The following WDR43 variants were observed in gnomAD, a reference collection of about 807,000 sequenced individuals.
The protein encoded by WDR43 is WD repeat-containing protein 43.
WDR43 carries 13 observed loss-of-function variants against 91.4 expected under a neutral mutation model. The ratio of observed to expected loss-of-function variants is 0.14; its 90% CI spans 0.09 to 0.23. The LOEUF is 0.23. Ranked by LOEUF, WDR43 falls within the 10% of genes least tolerant of loss-of-function variation. WDR43 has a pLI of 1.00. For missense variants in WDR43, 780 were observed against 809.4 expected (o/e 0.96, Z 0.44); for synonymous variants, 331 against 287.9 (o/e 1.15, Z -1.51).
chr2:28,917,868 C>CT lies in WDR43; in HGVS notation c.747-24dup, dbSNP rs1234699280. 4.5e-6 allele frequency: 7 copies of CT among 1,551,548 alleles called. No homozygotes were observed. The Admixed American group carries it at 8.0e-5, about 18-fold the overall frequency. On this transcript the variant is annotated intron_variant, in intron 5 of 17. Transcript: ENST00000407426. ...AAGAAAATTAAATCTGTCTTGCTAT[C>CT]TAACTTGCTGGTTTTGTTATCTAGG...
intron 14 of WDR43, among the ~76,000 whole-genome samples, chr2:28,939,935 G>A (rs959708157): frequency 9.2e-5 from 14 of 151,880 alleles, no homozygotes; most frequent in South Asian, 6.2e-4. Context: ...GTGAAACCCC[G>A]TCTCTACTAA....
intron 6 of WDR43, among the ~76,000 whole-genome samples, chr2:28,921,974 T>A (rs1221684770): frequency 6.6e-6 from 1 of 152,214 alleles, no homozygotes; most frequent in Non-Finnish European, 1.5e-5. Context: ...TCGGCCAAAG[T>A]GCTGGGATTA....
chr2:28,918,298 T>C (rs1031363456), intron 6 of WDR43, among the ~76,000 whole-genome samples: 40 of 151,970 alleles, frequency 2.6e-4, no homozygotes, highest in African/African-American at 9.7e-4. Context: ...CAGATGAAAT[T>C]GTTGGTGATA....
intron 5 of WDR43, among the ~76,000 whole-genome samples, chr2:28,917,202 G>A (rs1012663491): frequency 6.6e-6 from 1 of 152,124 alleles, no homozygotes; most frequent in Non-Finnish European, 1.5e-5. Flanking sequence ...GAATGTGTTA[G>A]GCAACTCAGA....
chr2:28,899,304 C>T (rs1188907768), intron 1 of WDR43, among the ~76,000 whole-genome samples: 1 of 152,142 alleles, frequency 6.6e-6, no homozygotes, highest in African/African-American at 2.4e-5. Flanking sequence ...TCATATTTGC[C>T]GTGTCTAATG....
chr2:28,921,123 T>C (rs1040144568), intron 6 of WDR43, among the ~76,000 whole-genome samples: 1 of 141,660 alleles, frequency 7.1e-6, no homozygotes, highest in African/African-American at 2.7e-5. Context: ...CAGAACTTTT[T>C]AAAAAAAATT....
intron 14 of WDR43, among the ~76,000 whole-genome samples, chr2:28,938,857 G>A (rs1671383764): frequency 6.6e-6 from 1 of 152,174 alleles, no homozygotes; most frequent in Non-Finnish European, 1.5e-5. Flanking sequence ...ACAGATCTTG[G>A]GTGTCCCAGC....
intron 16 of WDR43, among the ~76,000 whole-genome samples, chr2:28,943,373 C>T (rs948685965): frequency 2.6e-5 from 4 of 152,134 alleles, no homozygotes; most frequent in African/African-American, 7.2e-5. Flanking sequence ...GCCTCAAAAA[C>T]GGTCTTCTCG....
chr2:28,895,398 C>G (rs1199155908), intron 1 of WDR43: 1 of 154,350 alleles, frequency 6.5e-6, no homozygotes, highest in African/African-American at 2.4e-5. Context: ...CCCCTCCTGC[C>G]CCCCCTTTGG....
chr2:28,926,395 C>T, intron 8 of WDR43, 73 bp from the exon 9 acceptor site: 2 of 1,066,808 alleles, frequency 1.9e-6, no homozygotes, highest in South Asian at 2.0e-5. Flanking sequence ...GTTCTTATTC[C>T]CAGTTGCTTT....
At chr2:28,911,066 C>CTT (rs113954166) in intron 3 of WDR43, among the ~76,000 whole-genome samples, 25 of 147,390 alleles carry the variant, frequency 1.7e-4, no homozygotes, top group South Asian at 6.4e-4. Context: ...TAAATCAGGT[C>CTT]TTTTTTTTTT....
At chr2:28,897,153 A>G (rs1322048441) in intron 1 of WDR43, among the ~76,000 whole-genome samples, 1 of 152,196 alleles carries the variant, frequency 6.6e-6, no homozygotes, top group Non-Finnish European at 1.5e-5. Flanking sequence ...GACATTCCCT[A>G]CTTTGAGGGT....
chr2:28,942,088 C>T (rs1357496635), intron 15 of WDR43, among the ~76,000 whole-genome samples: 1 of 152,158 alleles, frequency 6.6e-6, no homozygotes, highest in Non-Finnish European at 1.5e-5. Flanking sequence ...AATTTTGGCA[C>T]AGAAAGATAT....
chr2:28,895,826 A>G (rs1485881524), intron 1 of WDR43: 1 of 152,206 alleles, frequency 6.6e-6, no homozygotes, highest in Non-Finnish European at 1.5e-5. Flanking sequence ...AAACCGAATC[A>G]CTGCAAAGTG....
At chr2:28,911,741 A>G (rs148685929) in intron 3 of WDR43, among the ~76,000 whole-genome samples, 1 of 151,452 alleles carries the variant, frequency 6.6e-6, no homozygotes, top group African/African-American at 2.4e-5. Flanking sequence ...AAGCGATCCT[A>G]CCATCTCAGC....
chr2:28,930,236 G>T, intron 11 of WDR43: 1 of 375,942 alleles, frequency 2.7e-6, no homozygotes. Flanking sequence ...TTTGTATAAA[G>T]GGAGGCATTT....
intron 16 of WDR43, among the ~76,000 whole-genome samples, chr2:28,942,688 T>G (rs1671463825): frequency 6.6e-6 from 1 of 151,760 alleles, no homozygotes; most frequent in South Asian, 2.1e-4. Context: ...GATCACAGCT[T>G]GCTGCAGCCT....
chr2:28,911,810 G>A (rs771526439), intron 3 of WDR43, among the ~76,000 whole-genome samples: 3 of 151,762 alleles, frequency 2.0e-5, no homozygotes, highest in Non-Finnish European at 4.4e-5. Flanking sequence ...TTTTTGTAGA[G>A]TCAGGGTCTC....
intron 3 of WDR43, among the ~76,000 whole-genome samples, chr2:28,908,883 G>C (rs1228845752): frequency 2.0e-5 from 3 of 152,026 alleles, no homozygotes; most frequent in Non-Finnish European, 4.4e-5. Context: ...TTTACATTAT[G>C]ACTAGTTAAT....
Sources: allele counts gnomAD v4.1 joint callset (sites outside exome capture counted in the v4.1 genomes callset), GRCh38; gene constraint gnomAD v4.1.1; transcripts MANE v1.5; gene names NCBI Gene and HGNC (gene_info 2026-07-23, HGNC 2026-07-21).